Variants in MGMT observed in about 807,000 individuals in gnomAD.
The protein encoded by MGMT is O-6-methylguanine-DNA methyltransferase, also known as methylated-DNA--protein-cysteine methyltransferase.
A neutral mutation model predicts 15.9 loss-of-function variants in MGMT; 14 were observed. That is an observed-to-expected ratio of 0.88 (90% CI 0.58 to 1.37). MGMT has a LOEUF of 1.37. Ranked by LOEUF, MGMT falls within the 40% of genes most tolerant of loss-of-function variation. MGMT has a pLI of 0.00. For synonymous variants in MGMT, 130 were observed against 118.2 expected (o/e 1.10, Z -0.65); for missense variants, 282 against 268.1 (o/e 1.05, Z -0.36).
chr10:129,541,100 A>C (rs537889502), intron 2 of MGMT, among the ~76,000 whole-genome samples: 1 of 152,288 alleles, frequency 6.6e-6, no homozygotes, highest in Non-Finnish European at 1.5e-5. Context: ...CTTCAGTGAC[A>C]TTGCATCTGT....
chr10:129,617,269 A>C (rs1465292279), intron 2 of MGMT, among the ~76,000 whole-genome samples: 1 of 152,128 alleles, frequency 6.6e-6, no homozygotes, highest in African/African-American at 2.4e-5. Context: ...TCATTCTTTT[A>C]TTATGGCTGC....
intron 2 of MGMT, chr10:129,701,250 TG>T (rs1282982900): frequency 3.3e-5 from 5 of 152,196 alleles, no homozygotes; most frequent in African/African-American, 1.2e-4. Flanking sequence ...TTTCCTTGGG[TG>T]ACCCTCCAGG....
At position 129,640,192 on chromosome 10, in the gene MGMT, G is replaced by A. The variant is rs192456097; in HGVS notation, c.126-67703G>A. ...GGCTCACTGCATCCTTCTCCTCCCG[G>A]GTTCAAGTGATTCTTCTGCCTCAGC... is the stretch of plus-strand genomic sequence containing the variant. On this transcript the variant is annotated intron_variant, in intron 2 of 4. Transcript: ENST00000651593. Among the ~76,000 whole-genome samples, 5 of 151,826 alleles carry A rather than the reference G, an allele frequency of 3.3e-5. No homozygotes were observed. The East Asian group carries it at 9.7e-4, about 29-fold the overall frequency.
chr10:129,605,734 T>G (rs1589890199), intron 2 of MGMT, among the ~76,000 whole-genome samples: 2 of 152,252 alleles, frequency 1.3e-5, no homozygotes, highest in Non-Finnish European at 1.5e-5. Flanking sequence ...ACGATAATTC[T>G]CAAACACGTG....
chr10:129,653,010 C>G (rs1435412024), intron 2 of MGMT, among the ~76,000 whole-genome samples: 1 of 152,226 alleles, frequency 6.6e-6, no homozygotes, highest in Non-Finnish European at 1.5e-5. Flanking sequence ...GATCCAGTGG[C>G]TCTCGGGATC....
chr10:129,649,481 C>G (rs1847432758), intron 2 of MGMT, among the ~76,000 whole-genome samples: 1 of 152,104 alleles, frequency 6.6e-6, no homozygotes, highest in Admixed American at 6.5e-5. Context: ...TGGATTTTGT[C>G]AGTGGTATTA....
At chr10:129,503,830 A>G (rs1845598973) in intron 1 of MGMT, among the ~76,000 whole-genome samples, 1 of 152,230 alleles carries the variant, frequency 6.6e-6, no homozygotes, top group Admixed American at 6.5e-5. Flanking sequence ...TCTTAATGTT[A>G]CAGACTTTTT....
rs76942120 is a variant in MGMT at position 129,499,319 on chromosome 10, T to A, written c.-13+32023T>A. ...AAATAGAAAATGAAATCCTTTTGTT[T>A]CATTACTTATTTCGTTACTCAGCTT... On this transcript the variant is annotated intron_variant, in intron 1 of 4. Transcript: ENST00000651593. Among the ~76,000 whole-genome samples the A allele has an allele frequency of 7.7e-3, 1,174 of 152,372 alleles. 12 individuals are homozygous for A. Among genetic ancestry groups the A allele is most frequent in the Middle Eastern group, 0.017 (5 of 294 alleles).
At position 129,721,314 on chromosome 10, in the gene MGMT, C is replaced by T. The variant is rs750434375; in HGVS notation, c.274+13271C>T. ...GGCTGGAATTCATGGGCGGAGTTCG[C>T]GAGAAGAGGGAACTATACAGAGAAA... On this transcript the variant is annotated intron_variant, in intron 3 of 4. Coordinates refer to ENST00000651593, the MANE Select transcript of MGMT (RefSeq NM_002412.5). 3.5e-4 allele frequency among the ~76,000 whole-genome samples: 54 copies of T among 152,196 alleles called. 1 individual carries two copies. Among genetic ancestry groups the T allele is most frequent in the Admixed American group, 2.6e-3 (40 of 15,282 alleles).
rs149764797 is a variant in MGMT at position 129,770,614 on chromosome 10, T to A, written c.*3617T>A. Among the ~76,000 whole-genome samples the A allele has an allele frequency of 1.0e-3, 158 of 152,384 alleles. No homozygotes were observed. The highest frequency in any genetic ancestry group is 1.6e-3 in the Non-Finnish European group (106 of 68,042). ...CACTGAGCTAATGTGAGATTGTTCA[T>A]GAAGCTACAGATCTTAGTGCTACTT... On this transcript the variant is annotated 3_prime_UTR_variant, in exon 5 of 5. Transcript: ENST00000651593.
intron 2 of MGMT, among the ~76,000 whole-genome samples, chr10:129,549,851 T>C (rs565245434): frequency 6.6e-6 from 1 of 152,354 alleles, no homozygotes; most frequent in East Asian, 1.9e-4. Flanking sequence ...AATGAAAATA[T>C]GTATTATATT....
At chr10:129,758,439 C>A (rs550424856) in intron 3 of MGMT, among the ~76,000 whole-genome samples, 5 of 152,230 alleles carry the variant, frequency 3.3e-5, no homozygotes, top group African/African-American at 1.2e-4. Context: ...TTCAGACAGG[C>A]CTTCTTCGCG....
At chr10:129,639,959 AAAAG>A (rs1169816861) in intron 2 of MGMT, among the ~76,000 whole-genome samples, 3 of 152,068 alleles carry the variant, frequency 2.0e-5, no homozygotes, top group Non-Finnish European at 4.4e-5. Context: ...AAAAAAAAAA[AAAAG>A]AGAGTGAAGT....
At chr10:129,735,428 G>A (rs1262777447) in intron 3 of MGMT, among the ~76,000 whole-genome samples, 4 of 152,212 alleles carry the variant, frequency 2.6e-5, no homozygotes, top group Admixed American at 1.3e-4. Flanking sequence ...ATTTTTTATT[G>A]CGTCTATTTG....
rs1170361246 is a variant in MGMT, at chr10:129,769,709, C to G, written c.*2712C>G. 6.6e-6 allele frequency among the ~76,000 whole-genome samples: 1 copy of G among 152,224 alleles called. No individual in the cohort carries two copies. The highest frequency in any genetic ancestry group is 1.5e-5 in the Non-Finnish European group (1 of 68,052). On this transcript the variant is annotated 3_prime_UTR_variant, in exon 5 of 5. Transcript: ENST00000651593. ...TGAGGGGTTGTCCTTCTCCCAGTCTCTCTTCCCGCTGGGAACAGAAGTGTC... is the reference window on the plus strand; with the variant it reads ...TGAGGGGTTGTCCTTCTCCCAGTCTGTCTTCCCGCTGGGAACAGAAGTGTC...
chr10:129,764,615 G>A (rs1315048714), intron 4 of MGMT, among the ~76,000 whole-genome samples: 1 of 152,256 alleles, frequency 6.6e-6, no homozygotes, highest in African/African-American at 2.4e-5. Flanking sequence ...TTTGGAGGGT[G>A]GAGCGTGGGG....
intron 2 of MGMT, among the ~76,000 whole-genome samples, chr10:129,638,125 T>C (rs943273092): frequency 6.6e-6 from 1 of 152,136 alleles, no homozygotes; most frequent in Non-Finnish European, 1.5e-5. Flanking sequence ...CTTTATGTAC[T>C]TCAAAAGGAG....
At chr10:129,724,912 T>C (rs1033372935) in intron 3 of MGMT, among the ~76,000 whole-genome samples, 3 of 152,174 alleles carry the variant, frequency 2.0e-5, no homozygotes, top group African/African-American at 7.2e-5. Context: ...ATGGTGAAGA[T>C]ACAACCTAGT....
chr10:129,495,278 C>A (rs756672204), intron 1 of MGMT, among the ~76,000 whole-genome samples: 1 of 152,148 alleles, frequency 6.6e-6, no homozygotes, highest in South Asian at 2.1e-4. Context: ...GCAAAATAAA[C>A]GTAGTACCTA....
Sources: gnomAD v4.1 joint callset for allele counts (sites outside exome capture counted in the v4.1 genomes callset) on GRCh38, gnomAD v4.1.1 for gene constraint, MANE v1.5 for transcripts, NCBI Gene and HGNC (gene_info 2026-07-23, HGNC 2026-07-21) for gene names.